The following CGNL1 variants were observed in gnomAD, a reference collection of about 807,000 sequenced individuals.
CGNL1 encodes cingulin like 1.
Under a neutral mutation model 141.2 loss-of-function variants are expected in CGNL1, and 132 were observed. The observed-to-expected ratio is 0.93, with a 90% CI of 0.81 to 1.08. The LOEUF is 1.08. Ranked by LOEUF, CGNL1 falls within the 50% of genes least tolerant of loss-of-function variation. The pLI, the probability that CGNL1 is intolerant of heterozygous loss-of-function variation, is 0.00. For synonymous variants in CGNL1, 690 were observed against 622.1 expected, an observed-to-expected ratio of 1.11 and a Z score of -1.63; for missense variants, 1,870 against 1,588.6, an observed-to-expected ratio of 1.18 and a Z score of -3.01.
chr15:57,487,208 A>G (rs528123918), intron 8 of CGNL1, among the ~76,000 whole-genome samples: 8 of 152,332 alleles, frequency 5.3e-5, no homozygotes, highest in Admixed American at 3.9e-4. Context: ...TCATATTATG[A>G]AGAACAAGAG....
At chr15:57,504,785 C>G (rs2064077974) in intron 8 of CGNL1, among the ~76,000 whole-genome samples, 1 of 152,178 alleles carries the variant, frequency 6.6e-6, no homozygotes, top group South Asian at 2.1e-4. Context: ...ATCACATGGC[C>G]ACTCCTGACT....
chr15:57,495,798 A>G (rs1192516171), intron 8 of CGNL1, among the ~76,000 whole-genome samples: 2 of 152,192 alleles, frequency 1.3e-5, no homozygotes, highest in Admixed American at 1.3e-4. Context: ...ACTTTAATAA[A>G]GCATTAGGTC....
rs544192566 is a variant in CGNL1, at chr15:57,445,065, C to T, written c.1803+2587C>T. Among the ~76,000 whole-genome samples, 10 of 152,196 alleles carry T rather than the reference C, an allele frequency of 6.6e-5. No homozygotes were observed. The South Asian group carries it at 2.1e-3, about 32-fold the overall frequency. On this transcript the variant is annotated intron_variant, in intron 4 of 18. Transcript: ENST00000281282. ...TTTCTTGAGGCCAAGAGTTTGAGAC[C>T]AGCCTGGGCAATGTAGTGAGACCCT...
intron 7 of CGNL1, among the ~76,000 whole-genome samples, chr15:57,456,092 A>G (rs2063375840): frequency 6.6e-6 from 1 of 152,218 alleles, no homozygotes; most frequent in Admixed American, 6.5e-5. Flanking sequence ...CACTTAAACT[A>G]TGATCTACGG....
At chr15:57,484,444 A>G (rs1303093095) in intron 8 of CGNL1, among the ~76,000 whole-genome samples, 2 of 151,880 alleles carry the variant, frequency 1.3e-5, no homozygotes, top group African/African-American at 4.8e-5. Flanking sequence ...TTAATTTCTG[A>G]TATTGGTAAT....
chr15:57,467,567 TA>T (rs758215561), intron 8 of CGNL1, among the ~76,000 whole-genome samples: 1 of 151,878 alleles, frequency 6.6e-6, no homozygotes, highest in Non-Finnish European at 1.5e-5. Flanking sequence ...AAACTGACTG[TA>T]AAAAACAAAA....
intron 8 of CGNL1, among the ~76,000 whole-genome samples, chr15:57,509,870 G>A (rs1234499417): frequency 1.3e-5 from 2 of 152,164 alleles, no homozygotes; most frequent in Non-Finnish European, 2.9e-5. Flanking sequence ...CATGCTGTTT[G>A]GCTGTTTTAG....
chr15:57,451,420 G>T, intron 4 of CGNL1, 80 bp from the exon 5 acceptor site: 1 of 1,010,936 alleles, frequency 9.9e-7, no homozygotes, highest in South Asian at 1.4e-5. Flanking sequence ...TTACTGCACT[G>T]ATTATATTTG....
rs576170663 is a variant in CGNL1, at chr15:57,511,465, A to G, written c.2404-5315A>G. Reference sequence around the variant, plus strand: ...ATCTCATTTATATGTCATTTTGCACACATATGGGATAAAATGATAGACGAT... The same window carrying G: ...ATCTCATTTATATGTCATTTTGCACGCATATGGGATAAAATGATAGACGAT... On this transcript the variant is annotated intron_variant, in intron 8 of 18. Transcript: ENST00000281282. Among the ~76,000 whole-genome samples, 6 of 152,338 alleles carry G rather than the reference A, an allele frequency of 3.9e-5. No individual in the cohort carries two copies. The South Asian group carries it at 1.2e-3, about 32-fold the overall frequency.
intron 4 of CGNL1, among the ~76,000 whole-genome samples, chr15:57,449,401 C>T (rs1567125199): frequency 6.6e-6 from 1 of 152,126 alleles, no homozygotes; most frequent in Admixed American, 6.6e-5. Flanking sequence ...AATTAACAAA[C>T]CTTATTTTTC....
At chr15:57,480,993 C>T (rs1336609173) in intron 8 of CGNL1, among the ~76,000 whole-genome samples, 1 of 150,784 alleles carries the variant, frequency 6.6e-6, no homozygotes, top group Admixed American at 6.6e-5. Flanking sequence ...CTCTTTGTAT[C>T]CAGAAATTAT....
intron 8 of CGNL1, among the ~76,000 whole-genome samples, chr15:57,466,144 G>C (rs923437743): frequency 6.6e-6 from 1 of 152,180 alleles, no homozygotes; most frequent in Non-Finnish European, 1.5e-5. Flanking sequence ...TGTTAGGAGA[G>C]TATATCTACC....
In CGNL1 at chr15:57,550,205, G is replaced by A. The variant is rs1201281064; in HGVS notation, c.*2715G>A. On this transcript the variant is annotated 3_prime_UTR_variant, in exon 19 of 19. Transcript: ENST00000281282. ...CATGCGGTATAGTGGAGTGGGAAGA[G>A]TTGAGACTGAAAGTTAAGAGAAGGG... is the stretch of plus-strand genomic sequence containing the variant. 1.3e-5 allele frequency: 2 copies of A among 152,368 alleles called. No individual in the cohort carries two copies. The highest frequency in any genetic ancestry group is 2.9e-5 in the Non-Finnish European group (2 of 68,046). The allele number at this position is 152,368 out of a possible 1,614,324, so 9.4% of individuals were successfully genotyped here.
intron 1 of CGNL1, among the ~76,000 whole-genome samples, chr15:57,429,789 C>G (rs145999728): frequency 2.0e-4 from 31 of 152,264 alleles, no homozygotes; most frequent in South Asian, 8.3e-4. Context: ...CCCATAAATG[C>G]TACATTGAAA....
chr15:57,381,666 C>G (rs2062426503), intron 1 of CGNL1, among the ~76,000 whole-genome samples: 1 of 152,222 alleles, frequency 6.6e-6, no homozygotes, highest in Non-Finnish European at 1.5e-5. Context: ...TCCTCTTAAG[C>G]TGAGCTGATT....
intron 3 of CGNL1, among the ~76,000 whole-genome samples, chr15:57,441,001 G>A (rs891423161): frequency 2.3e-4 from 34 of 149,878 alleles, no homozygotes; most frequent in Admixed American, 5.4e-4. Context: ...GATACTAACT[G>A]TGCTGGAACT....
At chr15:57,485,161 C>G (rs1025657161) in intron 8 of CGNL1, among the ~76,000 whole-genome samples, 1 of 151,912 alleles carries the variant, frequency 6.6e-6, no homozygotes, top group East Asian at 1.9e-4. Context: ...TTTCTTGAGG[C>G]TTGCTCTTTG....
chr15:57,433,633 C>T (rs373679975), intron 1 of CGNL1, among the ~76,000 whole-genome samples: 9 of 152,302 alleles, frequency 5.9e-5, no homozygotes, highest in African/African-American at 2.2e-4. Flanking sequence ...TTAAAACCAG[C>T]ATAATTAGAC....
intron 8 of CGNL1, among the ~76,000 whole-genome samples, chr15:57,463,026 C>T (rs1435887320): frequency 2.0e-5 from 3 of 152,148 alleles, no homozygotes; most frequent in Admixed American, 1.3e-4. Flanking sequence ...GCTATTGCTT[C>T]ATCAGGTACA....
Sources: gnomAD v4.1 joint callset for allele counts (sites outside exome capture counted in the v4.1 genomes callset) on GRCh38, gnomAD v4.1.1 for gene constraint, MANE v1.5 for transcripts, NCBI Gene and HGNC (gene_info 2026-07-23, HGNC 2026-07-21) for gene names.